Variants in SDK1 observed in about 807,000 individuals in gnomAD.
SDK1 encodes sidekick cell adhesion molecule 1.
Under a neutral mutation model 245.5 loss-of-function variants are expected in SDK1, and 157 were observed. That is an observed-to-expected ratio of 0.64 (90% CI 0.56 to 0.73). The LOEUF is 0.73. Among genes scored for constraint, SDK1 ranks in the 30% least tolerant of loss-of-function variants. The probability of loss-of-function intolerance (pLI) is 0.00; values close to 1 mark genes in which losing one functional copy is unlikely to be tolerated. For synonymous variants in SDK1, 1,647 were observed against 1,278.5 expected (o/e 1.29, Z -6.15); for missense variants, 3,583 against 3,002.3 (o/e 1.19, Z -4.52).
At chr7:4,011,748 AAG>A (rs1214684617) in intron 15 of SDK1, among the ~76,000 whole-genome samples, 1 of 152,172 alleles carries the variant, frequency 6.6e-6, no homozygotes, top group African/African-American at 2.4e-5. Flanking sequence ...GAAATATTGA[AAG>A]AGCCGGAGAA....
chr7:3,456,071 C>T (rs1350676018), intron 1 of SDK1, among the ~76,000 whole-genome samples: 1 of 152,144 alleles, frequency 6.6e-6, no homozygotes, highest in Non-Finnish European at 1.5e-5. Flanking sequence ...TTCTGGTCTC[C>T]ATGGTTTCTG....
At chr7:4,014,185 T>C (rs1786209723) in intron 16 of SDK1, among the ~76,000 whole-genome samples, 1 of 152,228 alleles carries the variant, frequency 6.6e-6, no homozygotes, top group Admixed American at 6.5e-5. Context: ...GTAAGGACTT[T>C]AAAAGTCATC....
chr7:4,083,580 C>A (rs1781210617), intron 22 of SDK1, among the ~76,000 whole-genome samples: 1 of 115,588 alleles, frequency 8.7e-6, no homozygotes, highest in Admixed American at 9.1e-5. Context: ...TTGCCTCCCT[C>A]CTCCCTTCTT....
intron 5 of SDK1, among the ~76,000 whole-genome samples, chr7:3,851,736 A>T (rs1780424404): frequency 1.3e-5 from 2 of 152,250 alleles, no homozygotes; most frequent in South Asian, 4.1e-4. Context: ...ATAGGTAGAA[A>T]TGAGGTTGAA....
intron 5 of SDK1, among the ~76,000 whole-genome samples, chr7:3,888,219 T>C (rs949027101): frequency 2.0e-5 from 3 of 152,216 alleles, no homozygotes; most frequent in Non-Finnish European, 4.4e-5. Context: ...TTGTAGCTTT[T>C]CCCACGTTGT....
intron 5 of SDK1, among the ~76,000 whole-genome samples, chr7:3,942,632 A>AT (rs1193223073): frequency 1.3e-5 from 2 of 152,112 alleles, no homozygotes; most frequent in African/African-American, 4.8e-5. Flanking sequence ...TTTTAGACCA[A>AT]TTATTTTTGG....
intron 4 of SDK1, among the ~76,000 whole-genome samples, chr7:3,791,833 C>G (rs1480804103): frequency 6.6e-6 from 1 of 152,152 alleles, no homozygotes; most frequent in African/African-American, 2.4e-5. Flanking sequence ...TGCTTTGACA[C>G]TGGCATGGAG....
At chr7:3,914,200 A>G (rs1779287891) in intron 5 of SDK1, among the ~76,000 whole-genome samples, 1 of 152,216 alleles carries the variant, frequency 6.6e-6, no homozygotes, top group Non-Finnish European at 1.5e-5. Flanking sequence ...AATTAGGTGC[A>G]AGTTGCTGCT....
At chr7:3,396,716 G>A (rs1009967181) in intron 1 of SDK1, among the ~76,000 whole-genome samples, 12 of 151,254 alleles carry the variant, frequency 7.9e-5, no homozygotes, top group African/African-American at 2.9e-4. Context: ...CCATCCTTTT[G>A]TTTTCAACTG....
Position 3,309,167 on chromosome 7 carries a change from G to A in SDK1, c.298+7283G>A, listed in dbSNP as rs149816254. ...GATCCTTAATTTATTTTGTGTGTTT[G>A]TGAGCCTGTTTTCAAAGTGAAGGTC... is the stretch of plus-strand genomic sequence containing the variant. On this transcript the variant is annotated intron_variant, in intron 1 of 44. Coordinates refer to ENST00000404826, the MANE Select transcript of SDK1 (RefSeq NM_152744.4). Among the ~76,000 whole-genome samples the A allele has an allele frequency of 1.1e-4, 17 of 152,170 alleles. No individual in the cohort carries two copies. The East Asian group carries it at 2.9e-3, about 26-fold the overall frequency.
At chr7:3,974,270 C>A in intron 12 of SDK1, 99 bp from the exon 13 acceptor site, 1 of 946,632 alleles carries the variant, frequency 1.1e-6, no homozygotes, top group Non-Finnish European at 1.6e-6. Context: ...AAAGTCCATT[C>A]ACAAGATTGT....
At chr7:3,555,438 A>G (rs947454627) in intron 1 of SDK1, among the ~76,000 whole-genome samples, 1 of 152,206 alleles carries the variant, frequency 6.6e-6, no homozygotes, top group Admixed American at 6.5e-5. Flanking sequence ...AAAATGGATT[A>G]AAAACTTTAA....
chr7:3,753,885 G>A (rs140417814), intron 4 of SDK1, among the ~76,000 whole-genome samples: 11 of 152,178 alleles, frequency 7.2e-5, no homozygotes, highest in South Asian at 2.1e-4. Context: ...GATAAAATAC[G>A]TCCATGAGAA....
At chr7:3,655,449 ATATATATATAT>A (rs1303779276) in intron 4 of SDK1, among the ~76,000 whole-genome samples, 2 of 4,446 alleles carry the variant, frequency 4.5e-4, no homozygotes, top group African/African-American at 9.5e-4. Context: ...AACAAAACAA[ATATATATATAT>A]ATATATATAT....
At chr7:3,757,661 G>A (rs756513140) in intron 4 of SDK1, among the ~76,000 whole-genome samples, 6 of 152,164 alleles carry the variant, frequency 3.9e-5, no homozygotes, top group Non-Finnish European at 5.9e-5. Context: ...CTCTCCAGGC[G>A]CAAGGTGCCC....
Position 4,205,991 on chromosome 7 carries a change from C to G in SDK1, c.5211C>G (p.Tyr1737Ter). 6.5e-7 allele frequency: 1 copy of G among 1,537,998 alleles called. No homozygotes were observed. Among genetic ancestry groups the G allele is most frequent in the African/African-American group, 1.4e-5 (1 of 72,908 alleles). ...GCCAGAATGGGAACATCCAAGGCTA[C>G]AAGGCAAGGCCCTCCCGTGCGGTTG... ...PESQNGNIQG[Y>*]KIYYWEADSQ... Residue 1737 changes from tyrosine to a stop codon, truncating the protein, a stop_gained, in exon 36 of 45, where the codon TAC becomes TAG. Transcript: ENST00000404826. LOFTEE classifies it high-confidence loss of function.
At chr7:3,444,410 C>G (rs1018730130) in intron 1 of SDK1, among the ~76,000 whole-genome samples, 7 of 152,072 alleles carry the variant, frequency 4.6e-5, no homozygotes, top group Non-Finnish European at 1.0e-4. Context: ...TTTTGTATTT[C>G]TGTGTTTAGG....
rs923412407 is a variant in SDK1 at position 3,768,280 on chromosome 7, A to C, written c.714-53170A>C. Among the ~76,000 whole-genome samples the C allele has an allele frequency of 2.6e-5, 4 of 152,250 alleles. No homozygotes were observed. In the East Asian group the frequency reaches 7.7e-4, roughly 29 times the overall value. On this transcript the variant is annotated intron_variant, in intron 4 of 44. Transcript: ENST00000404826. ...AAAACTGTTGCTTTGAAGGATGTGC[A>C]AGAGCATAGACATGGCCCGCATAAA...
chr7:3,321,345 T>G (rs1234233391), intron 1 of SDK1, among the ~76,000 whole-genome samples: 2 of 152,148 alleles, frequency 1.3e-5, no homozygotes. Context: ...AGTACAGTAC[T>G]AATGACAGAG....
Sources: allele counts gnomAD v4.1 joint callset (sites outside exome capture counted in the v4.1 genomes callset), GRCh38; gene constraint gnomAD v4.1.1; transcripts MANE v1.5; gene names NCBI Gene and HGNC (gene_info 2026-07-23, HGNC 2026-07-21).